PSPC1: variants seen among roughly 807,000 people sequenced by gnomAD.
PSPC1 encodes paraspeckle protein 1.
Under a neutral mutation model 51.6 loss-of-function variants are expected in PSPC1, and 14 were observed. The observed-to-expected ratio is 0.27, with a 90% CI of 0.18 to 0.42. PSPC1 has a LOEUF of 0.42. Ranked by LOEUF, PSPC1 falls within the 10% of genes least tolerant of loss-of-function variation. The pLI is 1.00. For synonymous variants in PSPC1, 193 were observed against 231.9 expected (o/e 0.83, Z 1.53); for missense variants, 406 against 701.1 (o/e 0.58, Z 4.75).
rs760623638 is a variant in PSPC1 at position 19,782,918 on chromosome 13, C to G, written c.-161G>C. ...GCAACCCGTCCTCCCCCAACTCACG[C>G]CCGCTGCAGCTGCACATTCAAAATG... is the stretch of plus-strand genomic sequence containing the variant. On this transcript the variant is annotated 5_prime_UTR_variant, in exon 1 of 9. Transcript: ENST00000338910. This position sits in a 1 kb window ranked among gnomAD's most constrained non-coding sequence, Gnocchi z 4.5. 4 of 692,388 alleles carry G rather than the reference C, an allele frequency of 5.8e-6. No individual in the cohort carries two copies. Among genetic ancestry groups the G allele is most frequent in the Non-Finnish European group, 8.5e-6 (4 of 469,624 alleles). The allele number at this position is 692,388 out of a possible 1,614,324, so 42.9% of individuals were successfully genotyped here.
intron 6 of PSPC1, among the ~76,000 whole-genome samples, chr13:19,728,439 AACACACACACACACACACACAC>A (rs56662113): frequency 1.7e-4 from 25 of 144,426 alleles, no homozygotes; most frequent in South Asian, 8.7e-4. Context: ...TCAAAGCTTA[AACACACACACACACACACACAC>A]ACACACACAC....
At chr13:19,692,662 C>G (rs1878707984) in intron 6 of PSPC1, among the ~76,000 whole-genome samples, 1 of 152,126 alleles carries the variant, frequency 6.6e-6, no homozygotes, top group Middle Eastern at 3.2e-3. Context: ...GCAGCTACAT[C>G]AATCACCTCA....
rs74038314 is a variant in PSPC1 at position 19,678,123 on chromosome 13, T to A, written c.1159-300A>T. The A allele has an allele frequency of 3.5e-3, 1,001 of 283,036 alleles. 14 individuals carry two copies. The highest frequency in any genetic ancestry group is 0.02 in the African/African-American group (897 of 43,896). The allele number at this position is 283,036 out of a possible 1,614,324, so 17.5% of individuals were successfully genotyped here. ...AGATCTGCTAATAATTTATTAAGAA[T>A]TTAATTGGCTAAGTCCCTCCTTATT... On this transcript the variant is annotated intron_variant and NMD_transcript_variant, in intron 6 of 7. Transcript: ENST00000471658.
Position 19,765,417 on chromosome 13 carries a change from C to G in PSPC1, c.675-5999G>C, listed in dbSNP as rs1593751411. Among the ~76,000 whole-genome samples the G allele has an allele frequency of 2.7e-5, 4 of 148,644 alleles. No homozygotes were observed. In the South Asian group the frequency reaches 8.4e-4, roughly 31 times the overall value. ...TTTTATGATGGAGAAAAAATAAAAT[C>G]ACTAGGATCTGATAATGATATCTTA... On this transcript the variant is annotated intron_variant, in intron 2 of 8. Transcript: ENST00000338910.
chr13:19,676,932 T>A (rs1411538130), intron 7 of PSPC1, among the ~76,000 whole-genome samples: 1 of 152,132 alleles, frequency 6.6e-6, no homozygotes, highest in Non-Finnish European at 1.5e-5. Context: ...ATGGATCCAT[T>A]TTTAAGATTA....
intron 5 of PSPC1, among the ~76,000 whole-genome samples, chr13:19,736,669 T>C (rs989856217): frequency 3.1e-4 from 47 of 152,092 alleles, no homozygotes; most frequent in African/African-American, 9.6e-4. Context: ...GGCGACAGAG[T>C]GAGACTCCGT....
downstream of PSPC1, among the ~76,000 whole-genome samples, chr13:19,698,743 T>C (rs1879541279): frequency 6.6e-6 from 1 of 151,974 alleles, no homozygotes; most frequent in African/African-American, 2.4e-5. Context: ...ACAGGATCTT[T>C]CGCAGAGGAG....
At chr13:19,727,857 C>T (rs1482309661) in intron 6 of PSPC1, among the ~76,000 whole-genome samples, 2 of 152,046 alleles carry the variant, frequency 1.3e-5, no homozygotes, top group African/African-American at 2.4e-5. Context: ...AAATTGAATA[C>T]ACTCTATATT....
chr13:19,674,008 T>C (rs758154612), downstream of PSPC1, among the ~76,000 whole-genome samples: 3 of 152,240 alleles, frequency 2.0e-5, no homozygotes, highest in South Asian at 2.1e-4. Flanking sequence ...TCAGATGATA[T>C]GGTACTAGTA....
chr13:19,685,062 C>A (rs1303928573), intron 6 of PSPC1, among the ~76,000 whole-genome samples: 1 of 152,154 alleles, frequency 6.6e-6, no homozygotes, highest in Non-Finnish European at 1.5e-5. Flanking sequence ...ACTATATAGA[C>A]CAGGTTAATA....
chr13:19,752,012 C>A (rs1249793447), intron 3 of PSPC1, among the ~76,000 whole-genome samples: 2 of 152,120 alleles, frequency 1.3e-5, no homozygotes, highest in Non-Finnish European at 2.9e-5. Flanking sequence ...GAGCTGAGAT[C>A]CTGCCACTGC....
intron 3 of PSPC1, among the ~76,000 whole-genome samples, chr13:19,757,221 C>T (rs188921268): frequency 6.6e-6 from 1 of 151,994 alleles, no homozygotes; most frequent in Non-Finnish European, 1.5e-5. Flanking sequence ...CATGGTCTCA[C>T]AACTGAGAAG....
intron 6 of PSPC1, among the ~76,000 whole-genome samples, chr13:19,687,450 T>C (rs1179499648): frequency 6.6e-6 from 1 of 152,130 alleles, no homozygotes; most frequent in African/African-American, 2.4e-5. Flanking sequence ...CTTTTGTGTC[T>C]CATATTTTCA....
At chr13:19,714,542 C>A (rs1457147679) in intron 6 of PSPC1, among the ~76,000 whole-genome samples, 1 of 148,058 alleles carries the variant, frequency 6.8e-6, no homozygotes, top group African/African-American at 2.5e-5. Flanking sequence ...GTTGCCCAGG[C>A]TGGGGTGCAA....
chr13:19,675,380 AC>A (rs963364106), intron 7 of PSPC1: 2 of 152,244 alleles, frequency 1.3e-5, no homozygotes, highest in Non-Finnish European at 2.9e-5. Context: ...AGACCACCAC[AC>A]CAAGGAGTGG....
downstream of PSPC1, among the ~76,000 whole-genome samples, chr13:19,698,845 A>G (rs1380496480): frequency 1.3e-5 from 2 of 151,974 alleles, no homozygotes. Flanking sequence ...GCTATATAAC[A>G]TTAAGAATTT....
rs755217801 is a variant in PSPC1, at chr13:19,680,653, A to G, written c.1159-2830T>C. The stretch of plus-strand genomic sequence containing the variant: ...CAAATTAAAAGAAAAGGTCTCCCTT[A>G]AGTGAAATCCTAAAAGTATAACTGT... On this transcript the variant is annotated intron_variant and NMD_transcript_variant, in intron 6 of 7. Coordinates refer to the PSPC1 transcript ENST00000471658. Among the ~76,000 whole-genome samples the G allele has an allele frequency of 4.6e-4, 70 of 152,228 alleles. 1 individual carries two copies. The highest frequency in any genetic ancestry group is 8.5e-4 in the Admixed American group (13 of 15,284).
intron 6 of PSPC1, among the ~76,000 whole-genome samples, chr13:19,679,863 C>A (rs889733381): frequency 1.2e-4 from 19 of 152,156 alleles, no homozygotes; most frequent in Non-Finnish European, 2.4e-4. Context: ...TAATCCTTCT[C>A]AATAACATCA....
intron 2 of PSPC1, among the ~76,000 whole-genome samples, chr13:19,771,353 G>A (rs150521626): frequency 0.014 from 2,156 of 152,176 alleles, 51 homozygotes; most frequent in African/African-American, 0.05. Flanking sequence ...GCCCAGGCTG[G>A]TCTCGAACTC....
Sources: allele counts gnomAD v4.1 joint callset (sites outside exome capture counted in the v4.1 genomes callset), GRCh38; gene constraint gnomAD v4.1.1; non-coding constraint Gnocchi (gnomAD v3.1); transcripts MANE v1.5; gene names NCBI Gene and HGNC (gene_info 2026-07-23, HGNC 2026-07-21).